The following TCERG1L variants were observed in gnomAD, a reference collection of about 807,000 sequenced individuals.
The protein encoded by TCERG1L is transcription elongation regulator 1-like protein.
Under a neutral mutation model 56.3 loss-of-function variants are expected in TCERG1L, and 37 were observed. That is an observed-to-expected ratio of 0.66 (90% CI 0.51 to 0.87). The LOEUF is 0.87. Ranked by LOEUF, TCERG1L falls within the 40% of genes least tolerant of loss-of-function variation. TCERG1L has a pLI of 0.00. For synonymous variants in TCERG1L, 324 were observed against 326.3 expected, an observed-to-expected ratio of 0.99 and a Z score of 0.08; for missense variants, 799 against 774.2, an observed-to-expected ratio of 1.03 and a Z score of -0.38.
At chr10:131,129,116 A>T (rs1845592422) in intron 8 of TCERG1L, among the ~76,000 whole-genome samples, 1 of 152,224 alleles carries the variant, frequency 6.6e-6, no homozygotes, top group Admixed American at 6.5e-5. Flanking sequence ...GAAAGGGAAA[A>T]CATCAGCAGG....
At chr10:131,299,912 TGTCA>T (rs1846742657) in intron 3 of TCERG1L, among the ~76,000 whole-genome samples, 1 of 152,188 alleles carries the variant, frequency 6.6e-6, no homozygotes, top group Non-Finnish European at 1.5e-5. Flanking sequence ...CTCTTTATAC[TGTCA>T]GTTATCTTTT....
chr10:131,134,314 T>C (rs1359286686), intron 8 of TCERG1L, 65 bp downstream of exon 8: 4 of 1,437,838 alleles, frequency 2.8e-6, no homozygotes, highest in Non-Finnish European at 3.8e-6. Flanking sequence ...ATGATGCCTT[T>C]TCTTTCTACA....
chr10:131,134,316 C>G (rs1845651262), intron 8 of TCERG1L, 63 bp downstream of exon 8: 1 of 1,449,940 alleles, frequency 6.9e-7, no homozygotes, highest in Non-Finnish European at 9.5e-7. Context: ...GATGCCTTTT[C>G]TTTCTACACC....
intron 11 of TCERG1L, among the ~76,000 whole-genome samples, chr10:131,094,518 G>C (rs899276424): frequency 6.6e-6 from 1 of 152,164 alleles, no homozygotes; most frequent in African/African-American, 2.4e-5. Flanking sequence ...TTCTGTCATT[G>C]AACAATTCGT....
In TCERG1L at chr10:131,109,483, T is replaced by G. The variant is rs978401493; in HGVS notation, c.1396-5129A>C. 5.9e-5 allele frequency among the ~76,000 whole-genome samples: 9 copies of G among 152,204 alleles called. No individual in the cohort carries two copies. The Middle Eastern group carries it at 0.01, about 173-fold the overall frequency. On this transcript the variant is annotated intron_variant, in intron 9 of 11. Coordinates refer to ENST00000368642, the MANE Select transcript of TCERG1L (RefSeq NM_174937.4). ...GACTGTGGCTGTGTCTGTGTCTGTG[T>G]CTGTGTCTGTGGCTGTGTCTGTGAA...
At chr10:131,203,591 T>C (rs1302409400) in intron 4 of TCERG1L, among the ~76,000 whole-genome samples, 2 of 152,186 alleles carry the variant, frequency 1.3e-5, no homozygotes, top group Non-Finnish European at 2.9e-5. Flanking sequence ...GTCTCTCCCA[T>C]GAGGATGAAT....
chr10:131,293,810 C>T (rs1475449248), intron 3 of TCERG1L, among the ~76,000 whole-genome samples: 3 of 152,142 alleles, frequency 2.0e-5, no homozygotes, highest in Non-Finnish European at 1.5e-5. Context: ...GTTATTAATT[C>T]TAATAGAAGC....
At chr10:131,152,097 C>T (rs1845872516) in intron 6 of TCERG1L, among the ~76,000 whole-genome samples, 1 of 152,212 alleles carries the variant, frequency 6.6e-6, no homozygotes, top group African/African-American at 2.4e-5. Flanking sequence ...CTCTGGAGAC[C>T]TTCTTCCCAT....
At chr10:131,242,085 G>A (rs891611289) in intron 4 of TCERG1L, among the ~76,000 whole-genome samples, 1 of 152,158 alleles carries the variant, frequency 6.6e-6, no homozygotes, top group Admixed American at 6.6e-5. Context: ...ACACCGAAGG[G>A]ATCTGGAATA....
intron 4 of TCERG1L, among the ~76,000 whole-genome samples, chr10:131,259,440 C>T (rs1366572149): frequency 6.6e-6 from 1 of 152,164 alleles, no homozygotes; most frequent in Non-Finnish European, 1.5e-5. Flanking sequence ...GGAGTTGGCA[C>T]TGTCATTCCA....
intron 11 of TCERG1L, among the ~76,000 whole-genome samples, chr10:131,097,953 A>G (rs910104535): frequency 3.3e-5 from 5 of 152,308 alleles, no homozygotes; most frequent in Admixed American, 6.5e-5. Flanking sequence ...TGATCATTAG[A>G]TCAGAAACTA....
At chr10:131,283,090 G>T (rs535190066) in intron 3 of TCERG1L, among the ~76,000 whole-genome samples, 10 of 152,326 alleles carry the variant, frequency 6.6e-5, no homozygotes, top group African/African-American at 2.2e-4. Context: ...AGAGCTAAGT[G>T]CACGTAGGCT....
intron 8 of TCERG1L, among the ~76,000 whole-genome samples, chr10:131,132,456 A>G (rs1845628071): frequency 1.3e-5 from 2 of 152,204 alleles, no homozygotes; most frequent in Admixed American, 1.3e-4. Context: ...ACTGTTGGGA[A>G]CTGAGGCCAG....
rs999880143 is a variant in TCERG1L, at chr10:131,118,260, G to A, written c.1260-1326C>T. Reference sequence around the variant, plus strand: ...TCTGGGAGCTCCCTAAGTGCTCGGAGATGTAGGAATGGCATGTACATCTAA... The same window carrying A: ...TCTGGGAGCTCCCTAAGTGCTCGGAAATGTAGGAATGGCATGTACATCTAA... On this transcript the variant is annotated intron_variant, in intron 8 of 11. Coordinates refer to ENST00000368642, the MANE Select transcript of TCERG1L (RefSeq NM_174937.4). The surrounding 1 kb of genome is among the most constrained non-coding windows in gnomAD (Gnocchi z 4.2). Among the ~76,000 whole-genome samples, 3 of 152,226 alleles carry A rather than the reference G, an allele frequency of 2.0e-5. No homozygotes were observed. Among genetic ancestry groups the A allele is most frequent in the Non-Finnish European group, 4.4e-5 (3 of 68,042 alleles).
chr10:131,309,174 G>A lies in TCERG1L; in HGVS notation c.468C>T (p.Asp156=), dbSNP rs988242257. The A allele has an allele frequency of 2.5e-6, 4 of 1,608,978 alleles. No homozygotes were observed. Among genetic ancestry groups the A allele is most frequent in the Non-Finnish European group, 3.4e-6 (4 of 1,178,018 alleles). The change falls in exon 2 of 12, where the codon GAC becomes GAT. Residue 156 remains aspartate, a synonymous_variant. Transcript: ENST00000368642. ...TTACCTTACAGTTAGGAATCCTTTT[G>A]TCTATCCAACTTTTCCCAATAGGGG... is the stretch of plus-strand genomic sequence containing the variant. ...LATPIGKSWI[D]KRIPNCKIFF...
At chr10:131,144,812 C>T (rs1845777197) in intron 7 of TCERG1L, among the ~76,000 whole-genome samples, 1 of 152,138 alleles carries the variant, frequency 6.6e-6, no homozygotes, top group Non-Finnish European at 1.5e-5. Flanking sequence ...CAGAGTATAA[C>T]ATGAGATTCT....
At chr10:131,248,036 C>T (rs1463373805) in intron 4 of TCERG1L, among the ~76,000 whole-genome samples, 3 of 148,002 alleles carry the variant, frequency 2.0e-5, no homozygotes, top group South Asian at 4.2e-4. Flanking sequence ...CACAGGTAAA[C>T]TCACACACAT....
intron 6 of TCERG1L, among the ~76,000 whole-genome samples, chr10:131,160,278 C>T (rs758423747): frequency 6.6e-6 from 1 of 152,198 alleles, no homozygotes; most frequent in Non-Finnish European, 1.5e-5. Context: ...CACACTGCAC[C>T]TCTGCCTTAG....
At chr10:131,269,149 C>T (rs1397211601) in intron 3 of TCERG1L, among the ~76,000 whole-genome samples, 2 of 151,946 alleles carry the variant, frequency 1.3e-5, no homozygotes, top group South Asian at 2.1e-4. Flanking sequence ...AAAATGTAGT[C>T]GCCATTGTAA....
Sources: allele counts gnomAD v4.1 joint callset (sites outside exome capture counted in the v4.1 genomes callset), GRCh38; gene constraint gnomAD v4.1.1; non-coding constraint Gnocchi (gnomAD v3.1); transcripts MANE v1.5; gene names NCBI Gene and HGNC (gene_info 2026-07-23, HGNC 2026-07-21).